Variants in GALNT13 observed in about 807,000 individuals in gnomAD.
The protein encoded by GALNT13 is polypeptide N-acetylgalactosaminyltransferase 13.
A neutral mutation model predicts 64.2 loss-of-function variants in GALNT13; 28 were observed. That is an observed-to-expected ratio of 0.44 (90% confidence interval 0.32 to 0.60). The LOEUF is 0.60. GALNT13 is among the 20% of genes least tolerant of loss of function. The pLI, the probability that GALNT13 is intolerant of heterozygous loss-of-function variation, is 0.05. For synonymous variants in GALNT13, 214 were observed against 224.6 expected, an observed-to-expected ratio of 0.95 and a Z score of 0.42; for missense variants, 577 against 669.8, an observed-to-expected ratio of 0.86 and a Z score of 1.53.
the GALNT13 span, among the ~76,000 whole-genome samples, chr2:153,577,231 A>C: frequency 2.0e-5 from 3 of 152,124 alleles, no homozygotes; most frequent in African/African-American, 7.2e-5. Context: ...TTTCTTATTG[A>C]TATATAAACT....
At chr2:154,000,751 A>G (rs1430712105) in intron 3 of GALNT13, among the ~76,000 whole-genome samples, 2 of 151,996 alleles carry the variant, frequency 1.3e-5, no homozygotes, top group East Asian at 3.9e-4. Context: ...TGTTAAGAAG[A>G]ATGTATGTTT....
the GALNT13 span, among the ~76,000 whole-genome samples, chr2:153,556,601 C>G: frequency 1.3e-5 from 2 of 152,290 alleles, no homozygotes; most frequent in East Asian, 3.9e-4. Flanking sequence ...AAATTATCTT[C>G]TTTTTCAAGC....
At chr2:153,305,760 G>A in the GALNT13 span, among the ~76,000 whole-genome samples, 2 of 152,144 alleles carry the variant, frequency 1.3e-5, no homozygotes, top group East Asian at 1.9e-4. Flanking sequence ...TGAGCATTCC[G>A]TTTACCCCTT....
At chr2:153,529,319 G>A in the GALNT13 span, among the ~76,000 whole-genome samples, 1 of 151,900 alleles carries the variant, frequency 6.6e-6, no homozygotes, top group Non-Finnish European at 1.5e-5. Flanking sequence ...TAGAAGAAAT[G>A]GACAAATTCC....
At chr2:153,505,604 G>T in the GALNT13 span, among the ~76,000 whole-genome samples, 1 of 151,992 alleles carries the variant, frequency 6.6e-6, no homozygotes, top group Non-Finnish European at 1.5e-5. Flanking sequence ...TCGTTTCATT[G>T]TTGACCCAAT....
the GALNT13 span, among the ~76,000 whole-genome samples, chr2:153,406,583 C>G: frequency 6.6e-6 from 1 of 151,830 alleles, no homozygotes; most frequent in African/African-American, 2.4e-5. Flanking sequence ...AATTTTTGTA[C>G]TTTTGATAGA....
chr2:153,864,750 A>T, the GALNT13 span, among the ~76,000 whole-genome samples: 2 of 150,882 alleles, frequency 1.3e-5, no homozygotes, highest in Middle Eastern at 3.4e-3. Context: ...TAATTTACAG[A>T]TTCAATGCCA....
At chr2:153,657,274 A>G in the GALNT13 span, among the ~76,000 whole-genome samples, 2,447 of 152,212 alleles carry the variant, frequency 0.016, 64 homozygotes, top group African/African-American at 0.055. Context: ...AAGTTATTAA[A>G]TTTTTTGAAT....
chr2:154,441,230 G>A (rs985394586), intron 12 of GALNT13, among the ~76,000 whole-genome samples: 1 of 152,096 alleles, frequency 6.6e-6, no homozygotes, highest in African/African-American at 2.4e-5. Context: ...TTTGGAAAAT[G>A]GCAAGGCCTC....
chr2:153,527,370 A>G, the GALNT13 span, among the ~76,000 whole-genome samples: 1 of 152,320 alleles, frequency 6.6e-6, no homozygotes, highest in East Asian at 1.9e-4. Flanking sequence ...CTTACAGGCC[A>G]GTTGAGAGTG....
At chr2:154,097,976 C>CAAA (rs141765359) in intron 3 of GALNT13, among the ~76,000 whole-genome samples, 7,091 of 152,046 alleles carry the variant, frequency 0.047, 213 homozygotes, top group South Asian at 0.11. Flanking sequence ...CAGAGGGAGT[C>CAAA]ACAGCTAGTC....
intron 4 of GALNT13, among the ~76,000 whole-genome samples, chr2:154,220,437 A>G (rs1252910186): frequency 6.6e-6 from 1 of 152,106 alleles, no homozygotes; most frequent in Non-Finnish European, 1.5e-5. Context: ...CAGTATATTC[A>G]TTCTCAGCAA....
chr2:153,921,451 C>T (rs2105336964), intron 2 of GALNT13, among the ~76,000 whole-genome samples: 1 of 152,130 alleles, frequency 6.6e-6, no homozygotes, highest in South Asian at 2.1e-4. Context: ...CAACAGGCAC[C>T]AAGGCCTGCT....
rs1485063675 is a variant in GALNT13 at position 154,452,210 on chromosome 2, A to T, written c.*1659A>T. The T allele has an allele frequency of 6.6e-6, 1 of 152,008 alleles. No individual in the cohort carries two copies. Among genetic ancestry groups the T allele is most frequent in the Non-Finnish European group, 1.5e-5 (1 of 67,982 alleles). 9.4% of individuals were successfully genotyped at this position (152,008 alleles called of 1,614,324 possible). A position where few individuals can be genotyped will look rare whatever the true frequency, so the allele number is the denominator to read the frequency against. On this transcript the variant is annotated 3_prime_UTR_variant, in exon 13 of 13. Transcript: ENST00000392825. ...TCTCTGTGAATCCGTGAATTTCCTA[A>T]AATTGTAAGCAAAATGTTGAATATC...
chr2:154,222,567 C>T (rs1031556174), intron 4 of GALNT13, among the ~76,000 whole-genome samples: 1 of 152,138 alleles, frequency 6.6e-6, no homozygotes, highest in African/African-American at 2.4e-5. Context: ...AAAAGGTGAA[C>T]TGTGTAGAAC....
At chr2:153,211,307 T>C in the GALNT13 span, among the ~76,000 whole-genome samples, 1 of 151,938 alleles carries the variant, frequency 6.6e-6, no homozygotes, top group Non-Finnish European at 1.5e-5. Context: ...CATGCCCAAC[T>C]AATTTTTTGT....
the GALNT13 span, among the ~76,000 whole-genome samples, chr2:153,688,926 C>G: frequency 6.6e-6 from 1 of 151,040 alleles, no homozygotes; most frequent in African/African-American, 2.4e-5. Flanking sequence ...TTTTGGTGAA[C>G]TTCTGCTGAG....
the GALNT13 span, among the ~76,000 whole-genome samples, chr2:153,860,833 G>T: frequency 6.6e-6 from 1 of 152,226 alleles, no homozygotes; most frequent in Non-Finnish European, 1.5e-5. Context: ...GCTGATGCAT[G>T]ATCGTGTGTA....
At chr2:153,523,271 T>C in the GALNT13 span, among the ~76,000 whole-genome samples, 31 of 152,260 alleles carry the variant, frequency 2.0e-4, no homozygotes, top group African/African-American at 7.5e-4. Context: ...ACTCCAACTT[T>C]GTTCTTCTTA....
Sources: gnomAD v4.1 joint callset for allele counts (sites outside exome capture counted in the v4.1 genomes callset) on GRCh38, gnomAD v4.1.1 for gene constraint, MANE v1.5 for transcripts, NCBI Gene and HGNC (gene_info 2026-07-23, HGNC 2026-07-21) for gene names.